Variants in PARD3B observed in about 807,000 individuals in gnomAD.
PARD3B encodes the protein partitioning defective 3 homolog B.
In PARD3B, 103 loss-of-function variants were observed where a neutral mutation model predicts 130.2. The ratio of observed to expected loss-of-function variants is 0.79; its 90% confidence interval spans 0.67 to 0.93. The LOEUF (loss-of-function observed/expected upper bound fraction) is 0.93, where lower values mean the gene tolerates loss of function less well. PARD3B is among the 40% of genes least tolerant of loss of function. PARD3B has a pLI of 0.00. For synonymous variants in PARD3B, 583 were observed against 553.2 expected, an observed-to-expected ratio of 1.05 and a Z score of -0.76; for missense variants, 1,609 against 1,499.2, an observed-to-expected ratio of 1.07 and a Z score of -1.21.
intron 1 of PARD3B, among the ~76,000 whole-genome samples, chr2:204,636,818 C>A (rs936693861): frequency 2.6e-5 from 4 of 152,178 alleles, no homozygotes; most frequent in African/African-American, 9.7e-5. Flanking sequence ...CAACTGCATT[C>A]TACCCCTTCC....
intron 2 of PARD3B, among the ~76,000 whole-genome samples, chr2:204,839,681 A>G (rs2044190763): frequency 6.6e-6 from 1 of 152,126 alleles, no homozygotes; most frequent in African/African-American, 2.4e-5. Context: ...GCATTTGACA[A>G]CAAATGCAGG....
At chr2:204,837,098 T>C (rs180804180) in intron 2 of PARD3B, among the ~76,000 whole-genome samples, 1 of 152,152 alleles carries the variant, frequency 6.6e-6, no homozygotes, top group East Asian at 1.9e-4. Context: ...CAGTGGGGTA[T>C]GATTGGACCC....
At chr2:204,656,582 T>G (rs2035647645) in intron 1 of PARD3B, among the ~76,000 whole-genome samples, 1 of 152,144 alleles carries the variant, frequency 6.6e-6, no homozygotes, top group African/African-American at 2.4e-5. Flanking sequence ...TAAATCACAT[T>G]CTTGACAGAA....
Position 205,575,584 on chromosome 2 carries a change from A to G in PARD3B, c.3260+22181A>G, listed in dbSNP as rs1351808195. Among the ~76,000 whole-genome samples, 1 of 152,166 alleles carries G rather than the reference A, an allele frequency of 6.6e-6. No homozygotes were observed. The highest frequency in any genetic ancestry group is 1.5e-5 in the Non-Finnish European group (1 of 68,020). ...TACTATTGATCTTTTTGCTGTCTTC[A>G]TAGTTCTAACTTTTAGTATGTCATA... On this transcript the variant is annotated intron_variant, in intron 22 of 22. Coordinates refer to ENST00000406610, the MANE Select transcript of PARD3B (RefSeq NM_001302769.2). The surrounding 1 kb of genome is among the most constrained non-coding windows in gnomAD (Gnocchi z 4.6).
At chr2:204,736,291 C>T (rs1206871506) in intron 2 of PARD3B, among the ~76,000 whole-genome samples, 1 of 151,910 alleles carries the variant, frequency 6.6e-6, no homozygotes, top group African/African-American at 2.4e-5. Context: ...ATTTTCATTT[C>T]CATAGCATTT....
At chr2:205,433,638 G>C (rs2047413007) in intron 19 of PARD3B, among the ~76,000 whole-genome samples, 1 of 151,424 alleles carries the variant, frequency 6.6e-6, no homozygotes, top group African/African-American at 2.4e-5. Context: ...TTTAATGAAT[G>C]TATGTCAAAT....
At chr2:204,611,233 T>G (rs752524554) in intron 1 of PARD3B, among the ~76,000 whole-genome samples, 8 of 152,212 alleles carry the variant, frequency 5.3e-5, no homozygotes, top group Non-Finnish European at 1.0e-4. Context: ...AAGCAGCTAG[T>G]GTCATTCCGA....
chr2:204,551,328 C>G (rs1201883434), intron 1 of PARD3B, among the ~76,000 whole-genome samples: 1 of 152,158 alleles, frequency 6.6e-6, no homozygotes, highest in Non-Finnish European at 1.5e-5. Context: ...ACATAGCAAC[C>G]ATCAGTTGGA....
intron 2 of PARD3B, among the ~76,000 whole-genome samples, chr2:204,881,587 AAAG>A (rs1416342703): frequency 4.6e-5 from 7 of 152,170 alleles, no homozygotes; most frequent in East Asian, 1.9e-4. Context: ...TCGTTCTGAA[AAAG>A]AAGAATTGCT....
At chr2:205,097,567 C>G (rs1163416162) in intron 4 of PARD3B, among the ~76,000 whole-genome samples, 2 of 152,138 alleles carry the variant, frequency 1.3e-5, no homozygotes, top group East Asian at 3.9e-4. Flanking sequence ...GGCTCCTGGA[C>G]AAGCAGCATC....
chr2:204,932,583 T>C (rs558028600), intron 2 of PARD3B, among the ~76,000 whole-genome samples: 1 of 152,258 alleles, frequency 6.6e-6, no homozygotes, highest in East Asian at 1.9e-4. Flanking sequence ...AAAGGGAGTT[T>C]TTTAAAGGCA....
chr2:205,003,372 A>G (rs1039021375), intron 3 of PARD3B, among the ~76,000 whole-genome samples: 9 of 152,022 alleles, frequency 5.9e-5, no homozygotes, highest in African/African-American at 2.2e-4. Context: ...TTTGGGGGGC[A>G]TTGGGGGTGG....
At chr2:205,384,620 CG>C (rs1367918571) in intron 18 of PARD3B, among the ~76,000 whole-genome samples, 2 of 152,112 alleles carry the variant, frequency 1.3e-5, no homozygotes, top group Non-Finnish European at 2.9e-5. Flanking sequence ...GTGCTCTCCA[CG>C]GCAAAGCCTG....
intron 20 of PARD3B, among the ~76,000 whole-genome samples, chr2:205,491,400 G>A (rs981875257): frequency 6.6e-6 from 1 of 152,126 alleles, no homozygotes; most frequent in Non-Finnish European, 1.5e-5. Context: ...TCAGGTTTGT[G>A]AAAGATCAGA....
intron 4 of PARD3B, among the ~76,000 whole-genome samples, chr2:205,052,857 ACT>A (rs1473043141): frequency 1.3e-5 from 2 of 152,118 alleles, no homozygotes; most frequent in African/African-American, 2.4e-5. Context: ...GCTAAAAATA[ACT>A]CTTTAGTCAG....
At chr2:204,662,651 A>G (rs183588249) in intron 1 of PARD3B, among the ~76,000 whole-genome samples, 2 of 152,344 alleles carry the variant, frequency 1.3e-5, no homozygotes, top group Admixed American at 1.3e-4. Flanking sequence ...AATAACATTT[A>G]TAATTGTTAT....
intron 1 of PARD3B, among the ~76,000 whole-genome samples, chr2:204,634,140 C>T (rs191021171): frequency 6.6e-4 from 101 of 152,266 alleles, no homozygotes; most frequent in Non-Finnish European, 1.2e-3. Context: ...CCCTAGCTCC[C>T]CATTATCCTT....
chr2:205,085,770 A>G (rs980283609), intron 4 of PARD3B, among the ~76,000 whole-genome samples: 6 of 152,038 alleles, frequency 3.9e-5, no homozygotes, highest in Non-Finnish European at 8.8e-5. Flanking sequence ...TTCAGTATAT[A>G]TTTACATTTT....
chr2:205,497,143 T>C (rs2049957514), intron 20 of PARD3B, among the ~76,000 whole-genome samples: 3 of 151,804 alleles, frequency 2.0e-5, no homozygotes, highest in African/African-American at 7.3e-5. Context: ...AAGAAAACTT[T>C]TTTTAAGTAT....
Sources: allele counts gnomAD v4.1 joint callset (sites outside exome capture counted in the v4.1 genomes callset), GRCh38; gene constraint gnomAD v4.1.1; non-coding constraint Gnocchi (gnomAD v3.1); transcripts MANE v1.5; gene names NCBI Gene and HGNC (gene_info 2026-07-23, HGNC 2026-07-21).